Variants in DPYD observed in about 807,000 individuals in gnomAD.
The protein encoded by DPYD is dihydropyrimidine dehydrogenase.
In DPYD, 109 loss-of-function variants were observed where a neutral mutation model predicts 116.2. That is an observed-to-expected ratio of 0.94 (90% CI 0.80 to 1.10). The LOEUF (loss-of-function observed/expected upper bound fraction) is 1.10, where lower values mean the gene tolerates loss of function less well. Ranked by LOEUF, DPYD falls within the 50% of genes least tolerant of loss-of-function variation. DPYD has a pLI of 0.00. For missense variants in DPYD, 1,302 were observed against 1,254.5 expected (o/e 1.04, Z -0.57); for synonymous variants, 440 against 432.0 (o/e 1.02, Z -0.23).
chr1:97,148,945 C>T (rs1220297016), intron 20 of DPYD, among the ~76,000 whole-genome samples: 1 of 152,150 alleles, frequency 6.6e-6, no homozygotes. Context: ...AAGTTTACAA[C>T]AGAGTCTTTT....
intron 1 of DPYD, among the ~76,000 whole-genome samples, chr1:97,903,114 G>T (rs1018462998): frequency 2.0e-5 from 3 of 151,848 alleles, no homozygotes; most frequent in African/African-American, 7.2e-5. Flanking sequence ...AACAGTGTGG[G>T]TTGTGAGCAA....
intron 2 of DPYD, among the ~76,000 whole-genome samples, chr1:97,867,646 G>GA (rs1460645059): frequency 6.6e-6 from 1 of 151,642 alleles, no homozygotes; most frequent in Non-Finnish European, 1.5e-5. Flanking sequence ...ATTGATGCAG[G>GA]AAAAAACATT....
At chr1:97,530,710 T>A (rs918156299) in intron 12 of DPYD, among the ~76,000 whole-genome samples, 2 of 152,232 alleles carry the variant, frequency 1.3e-5, no homozygotes, top group African/African-American at 2.4e-5. Context: ...TATACTGTTT[T>A]CTATAGCAGT....
At chr1:97,452,135 A>G (rs1188350063) in intron 13 of DPYD, among the ~76,000 whole-genome samples, 1 of 152,092 alleles carries the variant, frequency 6.6e-6, no homozygotes, top group African/African-American at 2.4e-5. Flanking sequence ...CCCATTCTCC[A>G]TATCTTCACT....
intron 6 of DPYD, 75 bp downstream of exon 6, chr1:97,699,276 T>C (rs1012057314): frequency 1.7e-5 from 25 of 1,457,636 alleles, no homozygotes; most frequent in Non-Finnish European, 2.3e-5. Flanking sequence ...TATATGATTA[T>C]GAACCAACAA....
chr1:97,163,360 T>C (rs1245473738), intron 20 of DPYD, among the ~76,000 whole-genome samples: 1 of 152,174 alleles, frequency 6.6e-6, no homozygotes, highest in African/African-American at 2.4e-5. Flanking sequence ...GTTTAAACTA[T>C]ATGTAGTTGA....
At chr1:97,783,608 C>A (rs1196423953) in intron 3 of DPYD, among the ~76,000 whole-genome samples, 4 of 152,118 alleles carry the variant, frequency 2.6e-5, no homozygotes, top group Non-Finnish European at 5.9e-5. Context: ...CCAAGCTGGT[C>A]TTGAACTTCT....
chr1:97,450,460 C>T (rs1161649115), intron 13 of DPYD, among the ~76,000 whole-genome samples: 6 of 151,860 alleles, frequency 4.0e-5, no homozygotes, highest in East Asian at 3.9e-4. Flanking sequence ...TTTAGAATAG[C>T]GCAAAAATAA....
chr1:97,286,719 T>G (rs962133787), intron 18 of DPYD, among the ~76,000 whole-genome samples: 1 of 151,984 alleles, frequency 6.6e-6, no homozygotes, highest in African/African-American at 2.4e-5. Flanking sequence ...CATCGGCTCC[T>G]GAGGCTTCTG....
chr1:97,630,042 T>C (rs1371210826), intron 8 of DPYD, among the ~76,000 whole-genome samples: 1 of 152,032 alleles, frequency 6.6e-6, no homozygotes, highest in Non-Finnish European at 1.5e-5. Flanking sequence ...ATATCAATAA[T>C]TTGTTCCTTT....
At chr1:97,445,529 A>T (rs1488356945) in intron 14 of DPYD, among the ~76,000 whole-genome samples, 1 of 152,136 alleles carries the variant, frequency 6.6e-6, no homozygotes, top group African/African-American at 2.4e-5. Flanking sequence ...TTAGATGTTA[A>T]GGTCCCTTCA....
chr1:97,628,666 C>A (rs891244679), intron 8 of DPYD, among the ~76,000 whole-genome samples: 6 of 151,712 alleles, frequency 4.0e-5, no homozygotes, highest in Non-Finnish European at 7.4e-5. Flanking sequence ...AAATGATAGC[C>A]AAGTCCAACT....
intron 2 of DPYD, chr1:97,856,076 T>C (rs1402732035): frequency 1.3e-5 from 2 of 152,170 alleles, no homozygotes; most frequent in East Asian, 1.9e-4. Flanking sequence ...AGCTGAGTTA[T>C]TTAGAAAATC....
At chr1:97,652,626 T>A (rs1430641019) in intron 8 of DPYD, among the ~76,000 whole-genome samples, 1 of 152,138 alleles carries the variant, frequency 6.6e-6, no homozygotes. Context: ...TTCATTCAGG[T>A]CTCAACAAAA....
At chr1:97,658,443 C>A (rs1490210905) in intron 8 of DPYD, among the ~76,000 whole-genome samples, 1 of 152,026 alleles carries the variant, frequency 6.6e-6, no homozygotes, top group Non-Finnish European at 1.5e-5. Flanking sequence ...GGGATAAATA[C>A]AACATTGAAA....
intron 14 of DPYD, among the ~76,000 whole-genome samples, chr1:97,402,643 A>G (rs961885286): frequency 3.3e-5 from 5 of 152,082 alleles, no homozygotes; most frequent in Non-Finnish European, 7.4e-5. Flanking sequence ...GTTCCAGTAT[A>G]ATTATGAAAA....
chr1:97,513,606 T>C (rs184053188), intron 13 of DPYD, among the ~76,000 whole-genome samples: 2 of 152,014 alleles, frequency 1.3e-5, no homozygotes, highest in Admixed American at 6.6e-5. Flanking sequence ...TAATAAATTA[T>C]AATAAGGCTA....
At position 97,468,436 on chromosome 1, in the gene DPYD, AC is replaced by A. The variant is rs975713882; in HGVS notation, c.1741-18214del. ...CCTTATAGAAGAGACCCCTAGAGAG[AC>A]CCCTTGTCCTTTCCATCATGTGAGG... On this transcript the variant is annotated intron_variant, in intron 13 of 22. Transcript: ENST00000370192. Among the ~76,000 whole-genome samples the A allele has an allele frequency of 4.9e-4, 74 of 152,150 alleles. 1 individual carries two copies. Among genetic ancestry groups the A allele is most frequent in the African/African-American group, 1.7e-3 (71 of 41,522 alleles).
At chr1:97,355,282 T>G (rs917407030) in intron 16 of DPYD, among the ~76,000 whole-genome samples, 3 of 152,264 alleles carry the variant, frequency 2.0e-5, no homozygotes, top group East Asian at 1.9e-4. Context: ...GAAAAATTAT[T>G]GTTGTATATA....
Sources: allele counts gnomAD v4.1 joint callset (sites outside exome capture counted in the v4.1 genomes callset), GRCh38; gene constraint gnomAD v4.1.1; transcripts MANE v1.5; gene names NCBI Gene and HGNC (gene_info 2026-07-23, HGNC 2026-07-21).